The following HOMER2 variants were observed in gnomAD, a reference collection of about 807,000 sequenced individuals.
HOMER2 encodes the protein homer scaffold protein 2.
Under a neutral mutation model 47.0 loss-of-function variants are expected in HOMER2, and 27 were observed. The ratio of observed to expected loss-of-function variants is 0.57; its 90% confidence interval spans 0.42 to 0.79. The LOEUF is 0.79. HOMER2 is among the 30% of genes least tolerant of loss of function. The pLI, the probability that HOMER2 is intolerant of heterozygous loss-of-function variation, is 0.00. For synonymous variants in HOMER2, 161 were observed against 163.8 expected (o/e 0.98, Z 0.13); for missense variants, 443 against 435.0 (o/e 1.02, Z -0.16).
At chr15:82,853,803 G>A (rs925344540) in intron 6 of HOMER2, among the ~76,000 whole-genome samples, 4 of 152,150 alleles carry the variant, frequency 2.6e-5, no homozygotes, top group African/African-American at 4.8e-5. Flanking sequence ...TGTCAAGGTC[G>A]GAGAGTAGAG....
intron 1 of HOMER2, among the ~76,000 whole-genome samples, chr15:82,967,284 G>A (rs532492476): frequency 6.6e-6 from 1 of 151,948 alleles, no homozygotes; most frequent in South Asian, 2.1e-4. Flanking sequence ...TAAAAAAGGT[G>A]TTTGTGAGAT....
At chr15:82,948,584 G>T (rs1023983862) in intron 1 of HOMER2, among the ~76,000 whole-genome samples, 1 of 152,126 alleles carries the variant, frequency 6.6e-6, no homozygotes, top group East Asian at 1.9e-4. Context: ...AAAGAAAAGG[G>T]GCTGGGTTAG....
chr15:82,868,097 T>G (rs957602992), intron 3 of HOMER2, among the ~76,000 whole-genome samples: 4 of 152,204 alleles, frequency 2.6e-5, no homozygotes, highest in African/African-American at 9.7e-5. Context: ...AAAAAAATAT[T>G]TTTTTCATAT....
intron 1 of HOMER2, among the ~76,000 whole-genome samples, chr15:82,944,901 C>G (rs1476396601): frequency 6.6e-6 from 1 of 152,070 alleles, no homozygotes; most frequent in African/African-American, 2.4e-5. Context: ...AGGGGGCCTT[C>G]GAGGTATGGG....
chr15:82,916,162 A>G (rs1415761607), intron 1 of HOMER2, among the ~76,000 whole-genome samples: 1 of 152,232 alleles, frequency 6.6e-6, no homozygotes, highest in Non-Finnish European at 1.5e-5. Context: ...GGGGGGAAAC[A>G]AAGAATTCAT....
chr15:82,880,369 A>T (rs1207691108), intron 2 of HOMER2, among the ~76,000 whole-genome samples: 1 of 152,206 alleles, frequency 6.6e-6, no homozygotes, highest in Non-Finnish European at 1.5e-5. Context: ...AAAGCAAGGG[A>T]ATGCTTAATA....
chr15:82,949,962 A>C (rs1028266545), intron 1 of HOMER2, among the ~76,000 whole-genome samples: 6 of 152,134 alleles, frequency 3.9e-5, no homozygotes, highest in African/African-American at 1.4e-4. Context: ...AAGGAGAGAC[A>C]ATCTCTGAAA....
intron 1 of HOMER2, among the ~76,000 whole-genome samples, chr15:82,969,399 T>C (rs1159609516): frequency 6.6e-6 from 1 of 152,196 alleles, no homozygotes; most frequent in African/African-American, 2.4e-5. Context: ...CCCTAAAAGC[T>C]TGCTATTTAT....
intron 1 of HOMER2, among the ~76,000 whole-genome samples, chr15:82,951,250 C>T (rs1315668950): frequency 6.6e-6 from 1 of 152,198 alleles, no homozygotes; most frequent in African/African-American, 2.4e-5. Flanking sequence ...TCGCCTCCTC[C>T]TCTCTGTCAC....
At chr15:82,972,197 C>T (rs1199644606) in intron 1 of HOMER2, among the ~76,000 whole-genome samples, 1 of 152,204 alleles carries the variant, frequency 6.6e-6, no homozygotes, top group Non-Finnish European at 1.5e-5. Context: ...TGTAGTCAAT[C>T]CCTATCCTAC....
chr15:82,948,320 G>A (rs1339185274), intron 1 of HOMER2, among the ~76,000 whole-genome samples: 1 of 151,590 alleles, frequency 6.6e-6, no homozygotes, highest in East Asian at 1.9e-4. Flanking sequence ...GAACCCGGGA[G>A]GCGGAGCTTG....
chr15:82,860,435 C>T (rs988805583), intron 4 of HOMER2, among the ~76,000 whole-genome samples: 1 of 152,102 alleles, frequency 6.6e-6, no homozygotes, highest in Middle Eastern at 3.4e-3. Flanking sequence ...ACTGTTAAAG[C>T]TGACCTATGG....
intron 1 of HOMER2, among the ~76,000 whole-genome samples, chr15:82,942,734 G>A (rs1018929148): frequency 1.3e-5 from 2 of 152,198 alleles, no homozygotes; most frequent in Admixed American, 6.5e-5. Context: ...TAAAAGCAAC[G>A]AGTTGGCAGA....
At chr15:82,836,807 T>C (rs2051132461), downstream of HOMER2, 1 of 152,272 alleles carries the variant, frequency 6.6e-6, no homozygotes, top group Non-Finnish European at 1.5e-5. Flanking sequence ...GGTTATTGGT[T>C]AAAGGCCACA....
rs1035163103 is a variant in HOMER2, at chr15:82,859,015, T to C, written c.494+14A>G. The C allele has an allele frequency of 8.7e-6, 14 of 1,607,440 alleles. No individual in the cohort carries two copies. The African/African-American group carries it at 1.5e-4, about 17-fold the overall frequency. On this transcript the variant is annotated intron_variant, in intron 5 of 8. Coordinates refer to ENST00000450735, the MANE Select transcript of HOMER2 (RefSeq NM_004839.4). ...GGTGGAGAAAATAGAATCTGGACTT[T>C]AAAACAGCCTTACCTCTGCGTCAAG... is the stretch of plus-strand genomic sequence containing the variant.
intron 3 of HOMER2, among the ~76,000 whole-genome samples, chr15:82,867,791 A>T (rs1004634200): frequency 6.6e-6 from 1 of 152,172 alleles, no homozygotes; most frequent in Non-Finnish European, 1.5e-5. Context: ...CCATTCTGCC[A>T]AAATAATTGA....
intron 8 of HOMER2, 148 bp downstream of exon 8, chr15:82,851,003 G>A (rs2051373387): frequency 1.5e-6 from 1 of 646,766 alleles, no homozygotes; most frequent in Non-Finnish European, 2.7e-6. Context: ...GGTGCCATCT[G>A]GCGTGCAGTC....
At chr15:82,871,274 TG>T (rs1484265698) in intron 3 of HOMER2, among the ~76,000 whole-genome samples, 1 of 152,206 alleles carries the variant, frequency 6.6e-6, no homozygotes, top group Non-Finnish European at 1.5e-5. Flanking sequence ...ATTTTCTTTC[TG>T]GGGGGTAGAG....
At chr15:82,878,248 C>A (rs2052410962) in intron 2 of HOMER2, among the ~76,000 whole-genome samples, 1 of 152,188 alleles carries the variant, frequency 6.6e-6, no homozygotes, top group African/African-American at 2.4e-5. Context: ...CAGGCTATCC[C>A]AGAGGCAGTC....
Sources: allele counts gnomAD v4.1 joint callset (sites outside exome capture counted in the v4.1 genomes callset), GRCh38; gene constraint gnomAD v4.1.1; transcripts MANE v1.5; gene names NCBI Gene and HGNC (gene_info 2026-07-23, HGNC 2026-07-21).